Variants in LRRC19 observed in about 807,000 individuals in gnomAD.
LRRC19 encodes the protein leucine rich repeat containing 19.
In LRRC19, 33 loss-of-function variants were observed where a neutral mutation model predicts 33.3. The observed-to-expected ratio is 0.99, with a 90% confidence interval of 0.75 to 1.33. The LOEUF (loss-of-function observed/expected upper bound fraction) is 1.33, where lower values mean the gene tolerates loss of function less well. Ranked by LOEUF, LRRC19 falls within the 40% of genes most tolerant of loss-of-function variation. The pLI is 0.00. For synonymous variants in LRRC19, 184 were observed against 152.3 expected (o/e 1.21, Z -1.53); for missense variants, 463 against 417.3 (o/e 1.11, Z -0.95).
At chr9:27,000,119 A>C (rs1448789362) in intron 1 of LRRC19, among the ~76,000 whole-genome samples, 1 of 152,134 alleles carries the variant, frequency 6.6e-6, no homozygotes, top group Non-Finnish European at 1.5e-5. Flanking sequence ...AAAATGTGAA[A>C]CAAGTGCATG....
intron 4 of LRRC19, 74 bp from the exon 5 acceptor site, chr9:26,995,923 C>T (rs1262186338): frequency 3.9e-6 from 4 of 1,021,028 alleles, no homozygotes; most frequent in Non-Finnish European, 5.6e-6. Context: ...ATTATATATC[C>T]TAATTCTCCT....
Position 26,997,897 on chromosome 9 carries a change from C to A in LRRC19, c.426G>T (p.Val142=). Residue 142 remains valine (V), a synonymous_variant, in exon 3 of 5, where the codon GTG becomes GTT. Coordinates refer to ENST00000380055, the MANE Select transcript of LRRC19 (RefSeq NM_022901.3). ...TCAGAAGTTTTAGGCTTCTTAGAGG[C>A]ACAAATACATCAGCATTCAGTTGTT... is the stretch of plus-strand genomic sequence containing the variant. ...KIEQLNADVF[V]PLRSLKLLNL... The A allele has an allele frequency of 6.2e-7, 1 of 1,614,106 alleles. No homozygotes were observed. Among genetic ancestry groups the A allele is most frequent in the Non-Finnish European group, 8.5e-7 (1 of 1,180,000 alleles).
In LRRC19 at chr9:26,995,713, G is replaced by T; in HGVS notation, c.921C>A (p.Arg307=). The T allele has an allele frequency of 6.2e-7, 1 of 1,613,806 alleles. No individual in the cohort carries two copies. Among genetic ancestry groups the T allele is most frequent in the East Asian group, 2.2e-5 (1 of 44,818 alleles). Residue 307 remains arginine (R), a synonymous_variant, in exon 5 of 5, where the codon CGC becomes CGA. Transcript: ENST00000380055. The part of the protein sequence containing the change: ...YNILLSYNHH[R]LEEHEAETYE... ...AGGTTTCTGCTTCATGCTCTTCCAG[G>T]CGATGATGATTATAACTAAGCAGAA... is the stretch of plus-strand genomic sequence containing the variant.
chr9:26,993,931 T>C lies in LRRC19; in HGVS notation c.*1590A>G, dbSNP rs1237690508. On this transcript the variant is annotated 3_prime_UTR_variant, in exon 5 of 5. Coordinates refer to ENST00000380055, the MANE Select transcript of LRRC19 (RefSeq NM_022901.3). The stretch of plus-strand genomic sequence containing the variant: ...GATGTAAATTCTTAATTTCTCTGCA[T>C]ATGAAGGTAAAAATTATAGATTGTG... 6.6e-6 allele frequency: 1 copy of C among 152,260 alleles called. No individual in the cohort carries two copies. The highest frequency in any genetic ancestry group is 6.5e-5 in the Admixed American group (1 of 15,284). The allele number at this position is 152,260 out of a possible 1,614,324, so 9.4% of individuals were successfully genotyped here. A position where few individuals can be genotyped will look rare whatever the true frequency, so the allele number is the denominator to read the frequency against.
intron 3 of LRRC19, 109 bp from the exon 4 acceptor site, chr9:26,996,608 T>G: frequency 3.0e-6 from 2 of 662,594 alleles, no homozygotes; most frequent in Non-Finnish European, 4.4e-6. Flanking sequence ...CTTAAAGGCA[T>G]TATAAGAAAT....
intron 1 of LRRC19, among the ~76,000 whole-genome samples, chr9:27,001,857 T>C (rs1828508517): frequency 6.6e-6 from 1 of 152,174 alleles, no homozygotes; most frequent in Admixed American, 6.5e-5. Context: ...TTTGGTTTCC[T>C]GTGCTTTTGA....
At chr9:27,001,341 T>C (rs781340842) in intron 1 of LRRC19, among the ~76,000 whole-genome samples, 15 of 152,124 alleles carry the variant, frequency 9.9e-5, no homozygotes, top group Non-Finnish European at 2.1e-4. Context: ...CTGGATCAAA[T>C]GTAAATGTAA....
Position 26,999,482 on chromosome 9 carries a change from C to A in LRRC19, c.81+132G>T, listed in dbSNP as rs1330594221. 3 of 578,432 alleles carry A rather than the reference C, an allele frequency of 5.2e-6. No individual in the cohort carries two copies. The South Asian group carries it at 9.2e-5, about 18-fold the overall frequency. 35.8% of individuals were successfully genotyped at this position (578,432 alleles called of 1,614,324 possible). A position where few individuals can be genotyped will look rare whatever the true frequency, so the allele number is the denominator to read the frequency against. ...TTTGTCAAATTGGAATTTGGATATA[C>A]AGAGCTAAATAAACTCTTAATTTTA... is the stretch of plus-strand genomic sequence containing the variant. On this transcript the variant is annotated intron_variant, in intron 2 of 4. Transcript: ENST00000380055.
intron 3 of LRRC19, 86 bp from the exon 4 acceptor site, chr9:26,996,585 C>T: frequency 2.1e-6 from 2 of 957,984 alleles, no homozygotes; most frequent in Non-Finnish European, 2.8e-6. Context: ...GAATTTTTGA[C>T]ATATTTGTCA....
Position 26,995,788 on chromosome 9 carries a change from C to T in LRRC19, c.846G>A (p.Thr282=), listed in dbSNP as rs751444801. The T allele has an allele frequency of 3.1e-6, 5 of 1,613,662 alleles. No individual in the cohort carries two copies. Among genetic ancestry groups the T allele is most frequent in the African/African-American group, 1.3e-5 (1 of 75,000 alleles). ...TAGCAATAAAAATGAGAAGTGAAGTCGTCAGTACAGTGACAACAACACCAA... is the reference window on the plus strand; with the variant it reads ...TAGCAATAAAAATGAGAAGTGAAGTTGTCAGTACAGTGACAACAACACCAA... ...FLVGVVVTVL[T]TSLLIFIAIK... The change falls in exon 5 of 5, where the codon ACG becomes ACA. Residue 282 remains threonine (T), a synonymous_variant. Coordinates refer to ENST00000380055, the MANE Select transcript of LRRC19 (RefSeq NM_022901.3).
chr9:26,999,535 T>C (rs762784934), intron 2 of LRRC19, 79 bp downstream of exon 2: 59 of 1,057,612 alleles, frequency 5.6e-5, no homozygotes, highest in Non-Finnish European at 7.9e-5. Flanking sequence ...TGCTTTCTTA[T>C]TGCCCTTTTA....
At position 26,995,276 on chromosome 9, in the gene LRRC19, ACTG is replaced by A. The variant is rs1828081853; in HGVS notation, c.*242_*244del. ...TACTAGTTCGTATGGTCACCCAAGC[ACTG>A]CTAAGAATAGTAGTGCTAGTATTGT... On this transcript the variant is annotated 3_prime_UTR_variant, in exon 5 of 5. Transcript: ENST00000380055. 1 of 327,386 alleles carries A rather than the reference ACTG, an allele frequency of 3.1e-6. No individual in the cohort carries two copies. Among genetic ancestry groups the A allele is most frequent in the South Asian group, 6.0e-5 (1 of 16,726 alleles). The allele number at this position is 327,386 out of a possible 1,614,324, so 20.3% of individuals were successfully genotyped here. A position where few individuals can be genotyped will look rare whatever the true frequency, so the allele number is the denominator to read the frequency against.
At chr9:27,003,886 G>A (rs750953693) in intron 1 of LRRC19, among the ~76,000 whole-genome samples, 3 of 152,172 alleles carry the variant, frequency 2.0e-5, no homozygotes, top group Non-Finnish European at 4.4e-5. Flanking sequence ...GTTTACCTAT[G>A]TTTAATGATT....
chr9:26,997,615 T>G, intron 3 of LRRC19, 113 bp downstream of exon 3: 16 of 1,133,972 alleles, frequency 1.4e-5, no homozygotes, highest in Non-Finnish European at 1.8e-5. Flanking sequence ...ATTACAGGCA[T>G]GAGCCACTGC....
chr9:26,995,644 T>C lies in LRRC19; in HGVS notation c.990A>G (p.Ile330Met). 4 of 1,613,860 alleles carry C rather than the reference T, an allele frequency of 2.5e-6. No homozygotes were observed. The highest frequency in any genetic ancestry group is 3.4e-6 in the Non-Finnish European group (4 of 1,179,804). Residue 330 changes from isoleucine (I) to methionine (M), a missense_variant, in exon 5 of 5, where the codon ATA becomes ATG. By Grantham distance (10) the Ile-to-Met change is conservative. Transcript: ENST00000380055. ...TAGTTTCTTCAGAGTTTGTTTCTGG[T>C]ATCTGTGAAAGAGAGCTTGGATTTC... ...FTGNPSSLSQ[I>M]PETNSEETTV...
In LRRC19 at chr9:26,997,719, A is replaced by G. The variant is rs1828240362; in HGVS notation, c.595+9T>C. The stretch of plus-strand genomic sequence containing the variant: ...CACATTTTGGTTTTGCTTAATTATG[A>G]TAGCTTACCTAATGTCACATTTGAT... On this transcript the variant is annotated intron_variant, in intron 3 of 4. Transcript: ENST00000380055. 2 of 1,577,006 alleles carry G rather than the reference A, an allele frequency of 1.3e-6. No individual in the cohort carries two copies. Among genetic ancestry groups the G allele is most frequent in the Non-Finnish European group, 1.7e-6 (2 of 1,166,572 alleles).
At chr9:27,001,525 T>C (rs540274760) in intron 1 of LRRC19, among the ~76,000 whole-genome samples, 26 of 152,272 alleles carry the variant, frequency 1.7e-4, no homozygotes, top group Admixed American at 1.5e-3. Flanking sequence ...TTATATATCA[T>C]TGTAGTTTTG....
At chr9:27,002,218 G>A (rs1465765419) in intron 1 of LRRC19, among the ~76,000 whole-genome samples, 5 of 152,180 alleles carry the variant, frequency 3.3e-5, no homozygotes, top group Non-Finnish European at 5.9e-5. Context: ...TGCAACCTCT[G>A]CCTCCTGGGT....
chr9:27,001,460 CCAGCA>C (rs1828485501), intron 1 of LRRC19, among the ~76,000 whole-genome samples: 1 of 152,170 alleles, frequency 6.6e-6, no homozygotes, highest in African/African-American at 2.4e-5. Context: ...CACATCGTCA[CCAGCA>C]TCCGTTATTG....
Sources: allele counts gnomAD v4.1 joint callset (sites outside exome capture counted in the v4.1 genomes callset), GRCh38; gene constraint gnomAD v4.1.1; transcripts MANE v1.5; gene names NCBI Gene and HGNC (gene_info 2026-07-23, HGNC 2026-07-21).